Variants in GYS2 observed in about 807,000 individuals in gnomAD.
GYS2 encodes the protein glycogen synthase 2.
A neutral mutation model predicts 85.6 loss-of-function variants in GYS2; 80 were observed. That is an observed-to-expected ratio of 0.93 (90% confidence interval 0.78 to 1.13). The LOEUF is 1.13. Among genes scored for constraint, GYS2 ranks in the 50% most tolerant of loss-of-function variants. The probability of loss-of-function intolerance (pLI) is 0.00; values close to 1 mark genes in which losing one functional copy is unlikely to be tolerated. For synonymous variants in GYS2, 328 were observed against 300.7 expected, an observed-to-expected ratio of 1.09 and a Z score of -0.94; for missense variants, 881 against 854.9, an observed-to-expected ratio of 1.03 and a Z score of -0.38.
At chr12:21,559,388 A>G (rs1944223753) in intron 9 of GYS2, among the ~76,000 whole-genome samples, 1 of 152,168 alleles carries the variant, frequency 6.6e-6, no homozygotes, top group Admixed American at 6.6e-5. Context: ...AGTCTCTCTC[A>G]GCTTCAGACT....
chr12:21,552,042 CA>C (rs1944117483), intron 11 of GYS2, among the ~76,000 whole-genome samples: 1 of 152,066 alleles, frequency 6.6e-6, no homozygotes, highest in Non-Finnish European at 1.5e-5. Flanking sequence ...CAGCCAATTG[CA>C]GAAGCCCAGG....
rs747932329 is a variant in GYS2, at chr12:21,604,547, G to C, written c.46C>G (p.Pro16Ala). 6.2e-7 allele frequency: 1 copy of C among 1,612,522 alleles called. No individual in the cohort carries two copies. Among genetic ancestry groups the C allele is most frequent in the Non-Finnish European group, 8.5e-7 (1 of 1,178,896 alleles). ...GGAAGTTCTTCGACTTCCCACTGGG[G>C]AAGCCCACCCAGGGATGTTACAGAG... ...SLSVTSLGGLPQWEVEELPVE... is the reference protein window; with the variant it reads ...SLSVTSLGGLAQWEVEELPVE... Residue 16 changes from proline to alanine, a missense_variant, in exon 1 of 16, where the codon CCC becomes GCC. By Grantham distance (27) the Pro-to-Ala change is conservative (BLOSUM62 -1). Coordinates refer to ENST00000261195, the MANE Select transcript of GYS2 (RefSeq NM_021957.4).
In GYS2 at chr12:21,604,468, A is replaced by G; in HGVS notation, c.121+4T>C. 6.3e-7 allele frequency: 1 copy of G among 1,588,990 alleles called. No individual in the cohort carries two copies. The highest frequency in any genetic ancestry group is 8.6e-7 in the Non-Finnish European group (1 of 1,157,536). ...ACTGATCCACCTTCAGGAGCAGTAC[A>G]AACCTTTATTGGTCACTTCCCAAGC... On this transcript the variant is annotated splice_donor_region_variant and intron_variant, in intron 1 of 15. Coordinates refer to ENST00000261195, the MANE Select transcript of GYS2 (RefSeq NM_021957.4).
chr12:21,598,654 T>C (rs1463805082), intron 1 of GYS2, among the ~76,000 whole-genome samples: 2 of 152,128 alleles, frequency 1.3e-5, no homozygotes, highest in Non-Finnish European at 2.9e-5. Context: ...CCTATTTTCA[T>C]ATTTGAGGTA....
chr12:21,565,863 C>T (rs1361815362), intron 5 of GYS2, among the ~76,000 whole-genome samples: 2 of 151,778 alleles, frequency 1.3e-5, no homozygotes, highest in African/African-American at 4.8e-5. Context: ...AAAAGAAAAA[C>T]GTTGACTAAA....
intron 1 of GYS2, among the ~76,000 whole-genome samples, chr12:21,603,863 C>T (rs1157509939): frequency 1.3e-5 from 2 of 152,078 alleles, no homozygotes; most frequent in African/African-American, 4.8e-5. Flanking sequence ...GAGGTTATAC[C>T]TCACTCGCAA....
intron 12 of GYS2, among the ~76,000 whole-genome samples, chr12:21,545,509 A>G (rs1591779635): frequency 6.6e-6 from 1 of 152,222 alleles, no homozygotes; most frequent in Non-Finnish European, 1.5e-5. Context: ...CTGATTATTA[A>G]TAAGAGATGG....
At chr12:21,533,221 T>C (rs1344963911), downstream of GYS2, among the ~76,000 whole-genome samples, 1 of 152,212 alleles carries the variant, frequency 6.6e-6, no homozygotes, top group African/African-American at 2.4e-5. Flanking sequence ...GCCTCCATCC[T>C]GGGCTCTTAA....
intron 4 of GYS2, among the ~76,000 whole-genome samples, chr12:21,572,661 A>G (rs1944400009): frequency 6.6e-6 from 1 of 152,226 alleles, no homozygotes; most frequent in South Asian, 2.1e-4. Flanking sequence ...TTTAAACTAG[A>G]GAGATGTGTG....
chr12:21,562,609 A>T (rs117008150), intron 7 of GYS2, among the ~76,000 whole-genome samples: 1 of 144,320 alleles, frequency 6.9e-6, no homozygotes, highest in Non-Finnish European at 1.5e-5. Context: ...TGTGAGGGAA[A>T]AGGGATGTTA....
chr12:21,575,949 A>C lies in GYS2; in HGVS notation c.412T>G (p.Cys138Gly), dbSNP rs747533320. 2 of 1,613,892 alleles carry C rather than the reference A, an allele frequency of 1.2e-6. No individual in the cohort carries two copies. The highest frequency in any genetic ancestry group is 1.7e-6 in the Non-Finnish European group (2 of 1,179,798). Residue 138 changes from cysteine to glycine, a missense_variant, in exon 3 of 16, where the codon TGC (cysteine) becomes GGC (glycine). By Grantham distance (159) the Cys-to-Gly change is radical. Coordinates refer to ENST00000261195, the MANE Select transcript of GYS2 (RefSeq NM_021957.4). ...DRWKGDLWEA[C>G]SVGIPYHDRE... ...TCATGATAAGGAATGCCGACACTGC[A>C]TGCTTCCCAGAGGTCACCCTTCCAC...
intron 10 of GYS2, 88 bp from the exon 11 acceptor site, chr12:21,558,401 C>T (rs1243683597): frequency 1.3e-6 from 1 of 789,636 alleles, no homozygotes; most frequent in East Asian, 2.5e-5. Flanking sequence ...ACATTTCATC[C>T]AACCTTCACA....
At chr12:21,596,236 C>T (rs964689766) in intron 1 of GYS2, among the ~76,000 whole-genome samples, 4 of 151,996 alleles carry the variant, frequency 2.6e-5, no homozygotes, top group African/African-American at 9.7e-5. Context: ...AAAGAAGGAA[C>T]CTGCCCTAAT....
intron 1 of GYS2, among the ~76,000 whole-genome samples, chr12:21,599,382 G>A (rs112235754): frequency 9.2e-5 from 14 of 152,244 alleles, no homozygotes; most frequent in African/African-American, 3.1e-4. Context: ...TGTGTTCCCA[G>A]CACTTTTCTA....
chr12:21,537,318 A>T, intron 15 of GYS2, 143 bp from the exon 16 acceptor site: 2 of 684,914 alleles, frequency 2.9e-6, no homozygotes, highest in Non-Finnish European at 5.3e-6. Context: ...ATTCATTTTG[A>T]TTTTGATACC....
intron 1 of GYS2, among the ~76,000 whole-genome samples, chr12:21,591,578 C>T (rs1944639363): frequency 6.6e-6 from 1 of 152,114 alleles, no homozygotes; most frequent in African/African-American, 2.4e-5. Flanking sequence ...TACGTAACAA[C>T]ACAATAGCTG....
At chr12:21,554,154 AG>A (rs953619677) in intron 11 of GYS2, among the ~76,000 whole-genome samples, 2 of 151,760 alleles carry the variant, frequency 1.3e-5, no homozygotes. Flanking sequence ...GAAGGAAGGA[AG>A]AAGGAAGGAA....
chr12:21,532,970 C>G (rs1176397938), downstream of GYS2: 3 of 152,320 alleles, frequency 2.0e-5, no homozygotes, highest in East Asian at 5.8e-4. Flanking sequence ...TTCCAACTCT[C>G]TTATGGTGTC....
intron 11 of GYS2, among the ~76,000 whole-genome samples, chr12:21,549,018 G>A (rs947753928): frequency 1.3e-5 from 2 of 151,256 alleles, no homozygotes; most frequent in African/African-American, 2.4e-5. Flanking sequence ...CTGGACTCAA[G>A]AAAGTAATGG....
Sources: gnomAD v4.1 joint callset for allele counts (sites outside exome capture counted in the v4.1 genomes callset) on GRCh38, gnomAD v4.1.1 for gene constraint, MANE v1.5 for transcripts, NCBI Gene and HGNC (gene_info 2026-07-23, HGNC 2026-07-21) for gene names.